Variants in LYPD6B observed in about 807,000 individuals in gnomAD.
The protein encoded by LYPD6B is ly6/PLAUR domain-containing protein 6B.
A neutral mutation model predicts 22.8 loss-of-function variants in LYPD6B; 17 were observed. The observed-to-expected ratio is 0.75, with a 90% confidence interval of 0.51 to 1.12. The LOEUF (loss-of-function observed/expected upper bound fraction) is 1.12. Ranked by LOEUF, LYPD6B falls within the 50% of genes most tolerant of loss-of-function variation. LYPD6B has a pLI of 0.00. For synonymous variants in LYPD6B, 106 were observed against 91.6 expected (o/e 1.16, Z -0.90); for missense variants, 221 against 258.3 (o/e 0.86, Z 0.99).
intron 1 of LYPD6B, among the ~76,000 whole-genome samples, chr2:149,072,692 A>G (rs2105363473): frequency 6.6e-6 from 1 of 151,982 alleles, no homozygotes; most frequent in East Asian, 1.9e-4. Flanking sequence ...GAGTGCCACC[A>G]TGCCTGGCTA....
At chr2:149,187,094 T>C (rs1380141175) in intron 3 of LYPD6B, among the ~76,000 whole-genome samples, 1 of 152,192 alleles carries the variant, frequency 6.6e-6, no homozygotes, top group African/African-American at 2.4e-5. Context: ...TAGACTCCAG[T>C]ATAGTGTAAA....
In LYPD6B at chr2:149,057,854, T is replaced by C. The variant is rs150747209; in HGVS notation, c.-67+19053T>C. Among the ~76,000 whole-genome samples, 1,261 of 152,238 alleles carry C rather than the reference T, an allele frequency of 8.3e-3. 25 individuals are homozygous for C. Among genetic ancestry groups the C allele is most frequent in the African/African-American group, 0.029 (1,220 of 41,558 alleles). ...GGTGAGCTGGGGTGGGGATTGGTGG[T>C]CATAGCAGAGCTTTCCCTGTGATGT... On this transcript the variant is annotated intron_variant, in intron 1 of 6. Transcript: ENST00000409642.
chr2:149,158,073 C>T lies in LYPD6B; in HGVS notation c.6-2691C>T, dbSNP rs546607187. Among the ~76,000 whole-genome samples, 3 of 152,204 alleles carry T rather than the reference C, an allele frequency of 2.0e-5. No individual in the cohort carries two copies. The South Asian group carries it at 6.2e-4, about 32-fold the overall frequency. ...TTGGGGTGGGGAGATTTACCAAACC[C>T]TTAGGGAAGAAAAACTATTTAACAG... On this transcript the variant is annotated intron_variant, in intron 2 of 6. Coordinates refer to ENST00000409642, the MANE Select transcript of LYPD6B (RefSeq NM_177964.5).
chr2:149,133,092 A>G (rs1359261685), intron 2 of LYPD6B, among the ~76,000 whole-genome samples: 1 of 152,168 alleles, frequency 6.6e-6, no homozygotes, highest in African/African-American at 2.4e-5. Context: ...CTTAAGATTT[A>G]AAGGGTCCCA....
In LYPD6B at chr2:149,165,272, A is replaced by G. The variant is rs574824186; in HGVS notation, c.77+4437A>G. Among the ~76,000 whole-genome samples, 4 of 152,332 alleles carry G rather than the reference A, an allele frequency of 2.6e-5. No individual in the cohort carries two copies. The East Asian group carries it at 5.8e-4, about 22-fold the overall frequency. On this transcript the variant is annotated intron_variant, in intron 3 of 6. Coordinates refer to ENST00000409642, the MANE Select transcript of LYPD6B (RefSeq NM_177964.5). ...CTGCCACATTCTGTTGGTCAAAGAA[A>G]GCTATAGGACCAGCCCAGATTCAAG...
chr2:149,200,660 C>T (rs977347110), intron 3 of LYPD6B: 3 of 152,140 alleles, frequency 2.0e-5, no homozygotes, highest in Admixed American at 6.6e-5. Context: ...GATGATTATC[C>T]GAGCTCAGAC....
intron 2 of LYPD6B, among the ~76,000 whole-genome samples, chr2:149,135,719 C>CAAAAAA (rs386391471): frequency 6.2e-5 from 2 of 32,228 alleles, no homozygotes; most frequent in Non-Finnish European, 1.2e-4. Flanking sequence ...GACCATGTCT[C>CAAAAAA]AAAAAAAAAA....
chr2:149,067,080 GTT>G (rs1188331293), intron 1 of LYPD6B, among the ~76,000 whole-genome samples: 2 of 152,146 alleles, frequency 1.3e-5, no homozygotes, highest in Admixed American at 1.3e-4. Context: ...CCTGTTCCAT[GTT>G]AATTTGCTTA....
At chr2:149,120,172 C>A (rs374939370) in intron 1 of LYPD6B, among the ~76,000 whole-genome samples, 1 of 151,296 alleles carries the variant, frequency 6.6e-6, no homozygotes, top group African/African-American at 2.4e-5. Context: ...TGTTTTATTT[C>A]TTTTGTTTCA....
At chr2:149,073,801 C>T (rs1172595204) in intron 1 of LYPD6B, among the ~76,000 whole-genome samples, 1 of 151,992 alleles carries the variant, frequency 6.6e-6, no homozygotes, top group Non-Finnish European at 1.5e-5. Context: ...GTCTCTGATC[C>T]TTTCCCTTTA....
intron 1 of LYPD6B, among the ~76,000 whole-genome samples, chr2:149,052,340 C>T (rs1300086136): frequency 6.6e-6 from 1 of 152,182 alleles, no homozygotes; most frequent in African/African-American, 2.4e-5. Context: ...CAGGTGTGAA[C>T]CATGTGCCTT....
chr2:149,197,725 G>A (rs2106101512), intron 3 of LYPD6B, among the ~76,000 whole-genome samples: 1 of 152,314 alleles, frequency 6.6e-6, no homozygotes, highest in African/African-American at 2.4e-5. Flanking sequence ...ACAGAGCAAA[G>A]GGAAATGCAC....
chr2:149,205,119 C>T (rs1214854732), intron 3 of LYPD6B, 134 bp from the exon 4 acceptor site: 6 of 831,642 alleles, frequency 7.2e-6, no homozygotes, highest in Admixed American at 3.0e-5. Context: ...GCAATTTACT[C>T]GCAGGTCCTG....
chr2:149,156,872 G>T (rs1008563230), intron 2 of LYPD6B, among the ~76,000 whole-genome samples: 3 of 152,156 alleles, frequency 2.0e-5, no homozygotes, highest in Non-Finnish European at 1.5e-5. Context: ...AAACTTGATT[G>T]CCTTATTGGG....
intron 1 of LYPD6B, among the ~76,000 whole-genome samples, chr2:149,075,175 T>C (rs1684825839): frequency 1.3e-5 from 2 of 152,210 alleles, no homozygotes; most frequent in African/African-American, 4.8e-5. Context: ...ATTTTTAAAT[T>C]CAGAAATCTT....
At chr2:149,152,763 G>C (rs1450198849) in intron 2 of LYPD6B, among the ~76,000 whole-genome samples, 1 of 152,198 alleles carries the variant, frequency 6.6e-6, no homozygotes, top group Non-Finnish European at 1.5e-5. Flanking sequence ...TTTCTTCAGA[G>C]GTTGAGTAAG....
intron 1 of LYPD6B, among the ~76,000 whole-genome samples, chr2:149,117,672 G>T (rs1195971000): frequency 6.6e-6 from 1 of 152,134 alleles, no homozygotes; most frequent in Non-Finnish European, 1.5e-5. Flanking sequence ...TTGCTCATCT[G>T]TCATTTTTGT....
intron 3 of LYPD6B, among the ~76,000 whole-genome samples, chr2:149,179,838 G>C (rs1489439853): frequency 2.6e-5 from 4 of 152,150 alleles, no homozygotes; most frequent in African/African-American, 9.7e-5. Context: ...AAGCATAGCT[G>C]GTTTAGGAAT....
chr2:149,100,416 C>CAAAAAAAAAAAA (rs58068035), intron 1 of LYPD6B, among the ~76,000 whole-genome samples: 2 of 67,970 alleles, frequency 2.9e-5, no homozygotes, highest in African/African-American at 5.6e-5. Flanking sequence ...TTGGCTTTGA[C>CAAAAAAAAAAAA]AAAAAAAAAA....
Sources: gnomAD v4.1 joint callset for allele counts (sites outside exome capture counted in the v4.1 genomes callset) on GRCh38, gnomAD v4.1.1 for gene constraint, MANE v1.5 for transcripts, NCBI Gene and HGNC (gene_info 2026-07-23, HGNC 2026-07-21) for gene names.